The following ACOT11 variants were observed in gnomAD, a reference collection of about 807,000 sequenced individuals.
The protein encoded by ACOT11 is acyl-CoA thioesterase 11.
A neutral mutation model predicts 77.5 loss-of-function variants in ACOT11; 69 were observed. The ratio of observed to expected loss-of-function variants is 0.89; its 90% confidence interval spans 0.73 to 1.09. The LOEUF (loss-of-function observed/expected upper bound fraction) is 1.09. Ranked by LOEUF, ACOT11 falls within the 50% of genes least tolerant of loss-of-function variation. The probability of loss-of-function intolerance (pLI) is 0.00; values close to 1 mark genes in which losing one functional copy is unlikely to be tolerated. For synonymous variants in ACOT11, 279 were observed against 313.0 expected (o/e 0.89, Z 1.15); for missense variants, 766 against 813.7 (o/e 0.94, Z 0.71).
intron 15 of ACOT11, among the ~76,000 whole-genome samples, chr1:54,622,741 A>G (rs1025157810): frequency 6.8e-6 from 1 of 148,056 alleles, no homozygotes. Context: ...ACTCCGTCTC[A>G]AAAAAAATAG....
downstream of ACOT11, chr1:54,612,387 C>G: frequency 1.2e-6 from 1 of 838,488 alleles, no homozygotes; most frequent in Non-Finnish European, 1.9e-6. Flanking sequence ...AGGGGTTGGA[C>G]GAAATGACCT....
chr1:54,561,081 T>TTTTTTTTTTTTTTTTTTTTTTTTTTTA (rs766408427), intron 1 of ACOT11, among the ~76,000 whole-genome samples: 1 of 60,834 alleles, frequency 1.6e-5, no homozygotes, highest in African/African-American at 4.3e-5. Flanking sequence ...GCTGATTTTT[T>TTTTTTTTTTTTTTTTTTTTTTTTTTTA]ATTTTTTTTA....
exon 17 of ACOT11, chr1:54,635,019 G>T (rs755316987): frequency 4.9e-6 from 2 of 409,966 alleles, no homozygotes; most frequent in Non-Finnish European, 8.6e-6. Context: ...AATAATGCCT[G>T]GATGCAATCA....
rs539473644 is a variant in ACOT11 at position 54,603,776 on chromosome 1, A to C, written c.1086-95A>C. ...AGGAGTCTCCCATTCTGCCGGGCTC[A>C]GCACAGGGCCTAGCACAGAGTAGGC... On this transcript the variant is annotated intron_variant, in intron 10 of 15. Coordinates refer to ENST00000343744, the MANE Select transcript of ACOT11 (RefSeq NM_147161.4). 3 of 1,217,852 alleles carry C rather than the reference A, an allele frequency of 2.5e-6. No homozygotes were observed. The African/African-American group carries it at 4.5e-5, about 18-fold the overall frequency. 75.4% of individuals were successfully genotyped at this position (1,217,852 alleles called of 1,614,324 possible).
At chr1:54,619,054 C>G (rs1011189554) in intron 15 of ACOT11, among the ~76,000 whole-genome samples, 1 of 152,154 alleles carries the variant, frequency 6.6e-6, no homozygotes, top group Non-Finnish European at 1.5e-5. Context: ...AGCCCTCAGA[C>G]CCCAGTTTCC....
chr1:54,561,794 A>C (rs1227209360), intron 1 of ACOT11, among the ~76,000 whole-genome samples: 2 of 73,592 alleles, frequency 2.7e-5, no homozygotes, highest in African/African-American at 5.6e-5. Flanking sequence ...TGACCCCCCC[A>C]CCTCCCTCCC....
At chr1:54,612,626 G>A (rs749208671), downstream of ACOT11, 20 of 1,613,972 alleles carry the variant, frequency 1.2e-5, no homozygotes, top group Non-Finnish European at 1.7e-5. Context: ...TGTACGTCCT[G>A]TTTGGGGACG....
exon 17 of ACOT11, chr1:54,635,387 G>A: frequency 3.3e-6 from 1 of 300,024 alleles, no homozygotes; most frequent in Non-Finnish European, 6.3e-6. Flanking sequence ...GCGGTATAGT[G>A]GCACCTCAAC....
intron 1 of ACOT11, among the ~76,000 whole-genome samples, chr1:54,559,750 G>A (rs1014958055): frequency 6.6e-6 from 1 of 152,136 alleles, no homozygotes; most frequent in Non-Finnish European, 1.5e-5. Context: ...CAAGGCTTCT[G>A]GTATTTATCT....
chr1:54,610,268 C>G lies in ACOT11; in HGVS notation c.*1156C>G, dbSNP rs373528506. ...CATCACTGTACTCCCTCTCCCTCCC[C>G]GCAACCCTGCCCCACCTTGCATCCA... is the stretch of plus-strand genomic sequence containing the variant. On this transcript the variant is annotated 3_prime_UTR_variant, in exon 16 of 16. Coordinates refer to ENST00000343744, the MANE Select transcript of ACOT11 (RefSeq NM_147161.4). 11 of 1,488,154 alleles carry G rather than the reference C, an allele frequency of 7.4e-6. No homozygotes were observed. Among genetic ancestry groups the G allele is most frequent in the African/African-American group, 1.4e-5 (1 of 71,386 alleles). The allele number at this position is 1,488,154 out of a possible 1,614,324, so 92.2% of individuals were successfully genotyped here. A position where few individuals can be genotyped will look rare whatever the true frequency, so the allele number is the denominator to read the frequency against.
chr1:54,622,796 G>A (rs1452382396), intron 15 of ACOT11, among the ~76,000 whole-genome samples: 3 of 152,098 alleles, frequency 2.0e-5, no homozygotes, highest in Non-Finnish European at 2.9e-5. Flanking sequence ...CTTTCTGCTG[G>A]GGATGAAGTC....
chr1:54,593,453 G>A (rs913115991), intron 4 of ACOT11, among the ~76,000 whole-genome samples: 1 of 135,998 alleles, frequency 7.4e-6, no homozygotes, highest in Non-Finnish European at 1.5e-5. Flanking sequence ...TTTTGTGTGT[G>A]TGTGGTTTTT....
intron 12 of ACOT11, 45 bp from the exon 13 acceptor site, chr1:54,605,031 C>G: frequency 6.3e-7 from 1 of 1,576,920 alleles, no homozygotes; most frequent in South Asian, 1.2e-5. Flanking sequence ...CCCCATCAGT[C>G]CACTCCACCA....
rs1045788486 is a variant in ACOT11, at chr1:54,626,970, G to A, written c.1630-3764G>A. The stretch of plus-strand genomic sequence containing the variant: ...CCCCCTGGGTTCAAGTGATTTTCCT[G>A]CCTCAGTCTCCAAGTAGCTGGGATT... On this transcript the variant is annotated intron_variant, in intron 15 of 16. Transcript: ENST00000371316. 5.2e-5 allele frequency among the ~76,000 whole-genome samples: 7 copies of A among 134,040 alleles called. 1 individual carries two copies. The highest frequency in any genetic ancestry group is 1.8e-4 in the African/African-American group (7 of 39,400). The allele number at this position is 134,040 out of a possible 152,430, so 87.9% of individuals were successfully genotyped here.
At chr1:54,636,952 AG>A in exon 17 of ACOT11, 1 of 158,200 alleles carries the variant, frequency 6.3e-6, no homozygotes, top group Non-Finnish European at 1.4e-5. Context: ...CACATGTTTC[AG>A]GGAGCACAGG....
intron 1 of ACOT11, among the ~76,000 whole-genome samples, chr1:54,563,303 G>A (rs940665072): frequency 6.6e-6 from 1 of 152,214 alleles, no homozygotes; most frequent in Non-Finnish European, 1.5e-5. Context: ...ACTTGGAGAG[G>A]CAGCCCAGTG....
In ACOT11 at chr1:54,599,283, C is replaced by T. The variant is rs772710584; in HGVS notation, c.765-13C>T. 2.0e-6 allele frequency: 3 copies of T among 1,532,866 alleles called. No homozygotes were observed. The highest frequency in any genetic ancestry group is 4.8e-5 in the East Asian group (2 of 41,750). 95.0% of individuals were successfully genotyped at this position (1,532,866 alleles called of 1,614,324 possible). A position where few individuals can be genotyped will look rare whatever the true frequency, so the allele number is the denominator to read the frequency against. ...GGGGCATTCCTTCTGTCTCCCCACCCCTGCCTCCTCAGCCGGCTCTGCCGT... is the reference window on the plus strand; with the variant it reads ...GGGGCATTCCTTCTGTCTCCCCACCTCTGCCTCCTCAGCCGGCTCTGCCGT... On this transcript the variant is annotated splice_polypyrimidine_tract_variant and intron_variant, in intron 7 of 15. Transcript: ENST00000343744.
At chr1:54,548,662 G>C (rs1259686186) in intron 1 of ACOT11, 13 of 429,110 alleles carry the variant, frequency 3.0e-5, no homozygotes, top group Non-Finnish European at 5.4e-5. Context: ...GTATGTTTCT[G>C]GGGGATGTCT....
At chr1:54,571,511 T>C (rs1653930948) in intron 1 of ACOT11, among the ~76,000 whole-genome samples, 1 of 152,144 alleles carries the variant, frequency 6.6e-6, no homozygotes. Context: ...AGAGACTAGA[T>C]TGTGCTCAGC....
Sources: gnomAD v4.1 joint callset for allele counts (sites outside exome capture counted in the v4.1 genomes callset) on GRCh38, gnomAD v4.1.1 for gene constraint, MANE v1.5 for transcripts, NCBI Gene and HGNC (gene_info 2026-07-23, HGNC 2026-07-21) for gene names.